The following MACROD2 variants were observed in gnomAD, a reference collection of about 807,000 sequenced individuals.
MACROD2 encodes mono-ADP ribosylhydrolase 2.
In MACROD2, 36 loss-of-function variants were observed where a neutral mutation model predicts 70.4. The ratio of observed to expected loss-of-function variants is 0.51; its 90% CI spans 0.39 to 0.68. The LOEUF (loss-of-function observed/expected upper bound fraction) is 0.68. Ranked by LOEUF, MACROD2 falls within the 30% of genes least tolerant of loss-of-function variation. The probability of loss-of-function intolerance (pLI) is 0.00; values close to 1 mark genes in which losing one functional copy is unlikely to be tolerated. For missense variants in MACROD2, 496 were observed against 538.4 expected (o/e 0.92, Z 0.78); for synonymous variants, 172 against 178.8 (o/e 0.96, Z 0.30).
At chr20:15,644,845 A>G (rs2146782403) in intron 8 of MACROD2, among the ~76,000 whole-genome samples, 1 of 152,172 alleles carries the variant, frequency 6.6e-6, no homozygotes, top group Non-Finnish European at 1.5e-5. Context: ...GCCCACCACT[A>G]TGCCTGGCTA....
intron 4 of MACROD2, among the ~76,000 whole-genome samples, chr20:14,560,988 A>G (rs1381816076): frequency 6.6e-6 from 1 of 151,908 alleles, no homozygotes; most frequent in Non-Finnish European, 1.5e-5. Context: ...TTGATAGGAC[A>G]GGAGCTTTAA....
At chr20:15,901,420 G>C (rs889310052) in intron 10 of MACROD2, among the ~76,000 whole-genome samples, 1 of 152,140 alleles carries the variant, frequency 6.6e-6, no homozygotes, top group Admixed American at 6.5e-5. Context: ...CTCTCGATGT[G>C]ATAGTCTTTC....
rs986053091 is a variant in MACROD2 at position 14,248,638 on chromosome 20, G to A, written c.271+162910G>A. Among the ~76,000 whole-genome samples, 4 of 151,974 alleles carry A rather than the reference G, an allele frequency of 2.6e-5. No homozygotes were observed. In the South Asian group the frequency reaches 8.3e-4, roughly 32 times the overall value. ...TTGTGTAAAATTACCCTCAGGCTAT[G>A]TGCATAAAATGCATATAAAGCATAA... is the stretch of plus-strand genomic sequence containing the variant. On this transcript the variant is annotated intron_variant, in intron 3 of 17. Transcript: ENST00000684519.
At chr20:15,392,305 G>T (rs1003889231) in intron 6 of MACROD2, among the ~76,000 whole-genome samples, 3 of 152,072 alleles carry the variant, frequency 2.0e-5, no homozygotes, top group African/African-American at 7.2e-5. Context: ...CTTTTATTAT[G>T]ATTGGTTTTC....
intron 8 of MACROD2, among the ~76,000 whole-genome samples, chr20:15,604,260 T>G (rs1197600381): frequency 1.3e-5 from 2 of 152,242 alleles, no homozygotes; most frequent in African/African-American, 4.8e-5. Flanking sequence ...TGAGCTTATT[T>G]GGTTCCCTTC....
chr20:15,866,036 T>C (rs6034310), intron 9 of MACROD2, among the ~76,000 whole-genome samples: 136,258 of 152,154 alleles, frequency 0.9, 62,193 homozygotes, highest in South Asian at 0.99. Context: ...ATATCACAAC[T>C]GATCACACAG....
chr20:14,802,771 CACACAT>C (rs200767507), intron 5 of MACROD2, among the ~76,000 whole-genome samples: 2,801 of 49,616 alleles, frequency 0.056, 84 homozygotes, highest in East Asian at 0.16. Flanking sequence ...CACACACATA[CACACAT>C]ACACACACAC....
chr20:14,698,614 T>C (rs1313120632), intron 5 of MACROD2, among the ~76,000 whole-genome samples: 3 of 151,928 alleles, frequency 2.0e-5, no homozygotes, highest in Non-Finnish European at 4.4e-5. Flanking sequence ...TTTTGCTGAA[T>C]GTTTTTCTTT....
At chr20:15,944,180 C>G (rs1429196323) in intron 12 of MACROD2, among the ~76,000 whole-genome samples, 1 of 152,080 alleles carries the variant, frequency 6.6e-6, no homozygotes, top group African/African-American at 2.4e-5. Flanking sequence ...ATCAGTTCCT[C>G]AGGACAAATT....
intron 3 of MACROD2, among the ~76,000 whole-genome samples, chr20:14,487,775 C>T (rs1392333014): frequency 2.6e-5 from 4 of 152,100 alleles, no homozygotes. Flanking sequence ...AGCCCCAAGT[C>T]CTTTTCATTT....
At chr20:14,145,435 T>C (rs1340672304) in intron 3 of MACROD2, among the ~76,000 whole-genome samples, 1 of 152,178 alleles carries the variant, frequency 6.6e-6, no homozygotes, top group Non-Finnish European at 1.5e-5. Flanking sequence ...TGTTTATTTT[T>C]CATAGATTTC....
rs540825264 is a variant in MACROD2 at position 14,658,453 on chromosome 20, G to GTAC, written c.302-26388_302-26386dup. Among the ~76,000 whole-genome samples, 10 of 152,272 alleles carry GTAC rather than the reference G, an allele frequency of 6.6e-5. No individual in the cohort carries two copies. The East Asian group carries it at 1.7e-3, about 26-fold the overall frequency. ...TATTTCTTCTTTCAGCAGAGGAACT[G>GTAC]TACTCTTAAAATTAGAGGGTCAGAG... is the stretch of plus-strand genomic sequence containing the variant. On this transcript the variant is annotated intron_variant, in intron 4 of 17. Transcript: ENST00000684519.
intron 5 of MACROD2, among the ~76,000 whole-genome samples, chr20:14,971,925 C>T (rs1374944685): frequency 1.3e-5 from 2 of 152,150 alleles, no homozygotes; most frequent in Admixed American, 6.5e-5. Context: ...GGCACAACTG[C>T]CGGCATTCAC....
At chr20:14,293,501 TG>T (rs995855394) in intron 3 of MACROD2, among the ~76,000 whole-genome samples, 1 of 151,270 alleles carries the variant, frequency 6.6e-6, no homozygotes, top group African/African-American at 2.4e-5. Flanking sequence ...TGTGAAGATC[TG>T]GGGGAAAAAG....
intron 4 of MACROD2, among the ~76,000 whole-genome samples, chr20:14,574,066 C>T (rs1184888419): frequency 6.6e-6 from 1 of 152,096 alleles, no homozygotes; most frequent in East Asian, 1.9e-4. Context: ...TTTCAAGGTC[C>T]CATAAGGCAT....
intron 6 of MACROD2, among the ~76,000 whole-genome samples, chr20:15,270,154 CTTTTT>C (rs3045758): frequency 2.5e-5 from 3 of 118,310 alleles, no homozygotes; most frequent in Non-Finnish European, 1.8e-5. Context: ...CTGACACAGC[CTTTTT>C]TTTTTTTTTT....
At chr20:15,064,479 A>G (rs566961620) in intron 5 of MACROD2, among the ~76,000 whole-genome samples, 12 of 152,308 alleles carry the variant, frequency 7.9e-5, no homozygotes, top group Admixed American at 5.2e-4. Flanking sequence ...AATATTTCAC[A>G]TTGAAGTTCT....
intron 8 of MACROD2, among the ~76,000 whole-genome samples, chr20:15,684,677 T>A (rs1025452704): frequency 6.6e-6 from 1 of 152,234 alleles, no homozygotes; most frequent in Non-Finnish European, 1.5e-5. Flanking sequence ...TGGGTTAGAA[T>A]CCATGGGTTG....
chr20:14,241,974 T>G (rs927465828), intron 3 of MACROD2, among the ~76,000 whole-genome samples: 2 of 152,146 alleles, frequency 1.3e-5, no homozygotes, highest in Non-Finnish European at 2.9e-5. Context: ...ATTACAACTG[T>G]GTAAAATTAC....
Sources: allele counts gnomAD v4.1 joint callset (sites outside exome capture counted in the v4.1 genomes callset), GRCh38; gene constraint gnomAD v4.1.1; transcripts MANE v1.5; gene names NCBI Gene and HGNC (gene_info 2026-07-23, HGNC 2026-07-21).